The following UBR2 variants were observed in gnomAD, a reference collection of about 807,000 sequenced individuals.
UBR2 encodes the protein E3 ubiquitin-protein ligase UBR2.
Under a neutral mutation model 247.9 loss-of-function variants are expected in UBR2, and 92 were observed. The ratio of observed to expected loss-of-function variants is 0.37; its 90% CI spans 0.31 to 0.44. The LOEUF is 0.44. UBR2 is among the 20% of genes least tolerant of loss of function. The probability of loss-of-function intolerance (pLI) is 1.00; values close to 1 mark genes in which losing one functional copy is unlikely to be tolerated. For missense variants in UBR2, 1,613 were observed against 2,112.6 expected, an observed-to-expected ratio of 0.76 and a Z score of 4.64; for synonymous variants, 672 against 693.5, an observed-to-expected ratio of 0.97 and a Z score of 0.49.
intron 4 of UBR2, among the ~76,000 whole-genome samples, chr6:42,600,386 A>G (rs1414738781): frequency 6.6e-6 from 1 of 152,120 alleles, no homozygotes; most frequent in African/African-American, 2.4e-5. Context: ...ATACAATAGG[A>G]TGTCATTTAT....
At chr6:42,614,177 C>CAA (rs1167450076) in intron 8 of UBR2, among the ~76,000 whole-genome samples, 27 of 11,398 alleles carry the variant, frequency 2.4e-3, no homozygotes, top group Admixed American at 0.013. Flanking sequence ...ACTCTGTCTC[C>CAA]AAAAAAAAAA....
intron 5 of UBR2, among the ~76,000 whole-genome samples, chr6:42,605,035 A>G (rs968955444): frequency 6.6e-6 from 1 of 151,980 alleles, no homozygotes; most frequent in Non-Finnish European, 1.5e-5. Flanking sequence ...TCAAAAAAAA[A>G]ACAAAAAACA....
chr6:42,663,716 G>C (rs931329460), intron 32 of UBR2, among the ~76,000 whole-genome samples: 6 of 152,160 alleles, frequency 3.9e-5, no homozygotes, highest in African/African-American at 1.4e-4. Context: ...CTTTTCAAGA[G>C]ATGCTCAGTA....
Position 42,564,352 on chromosome 6 carries a change from C to T in UBR2, c.33C>T (p.Ala11=), listed in dbSNP as rs771417390. 14 of 1,612,188 alleles carry T rather than the reference C, an allele frequency of 8.7e-6. No individual in the cohort carries two copies. The highest frequency in any genetic ancestry group is 3.3e-5 in the Admixed American group (2 of 59,732). The change falls in exon 1 of 47, where the codon GCC becomes GCT. Residue 11 remains alanine, a synonymous_variant. Transcript: ENST00000372901. The part of the protein sequence containing the change: MASELEPEVQ[A]IDRSLLECSA... The stretch of plus-strand genomic sequence containing the variant: ...CGGAGCTAGAGCCAGAGGTGCAGGC[C>T]ATCGACCGGAGCTTGCTGGAATGTT...
chr6:42,613,324 T>C (rs1794210201), intron 8 of UBR2, among the ~76,000 whole-genome samples: 1 of 152,218 alleles, frequency 6.6e-6, no homozygotes, highest in African/African-American at 2.4e-5. Flanking sequence ...TACATTTGTA[T>C]TGAAGGGCTT....
intron 8 of UBR2, among the ~76,000 whole-genome samples, chr6:42,614,375 T>TATATATGTATGTACGTACATACATAC (rs70990112): frequency 0.48 from 32,182 of 67,150 alleles, 6,291 homozygotes; most frequent in East Asian, 0.52. Flanking sequence ...TGTGTATGTG[T>TATATATGTATGTACGTACATACATAC]GTATATATGT....
At chr6:42,598,992 G>T (rs943386925) in intron 4 of UBR2, among the ~76,000 whole-genome samples, 2 of 151,762 alleles carry the variant, frequency 1.3e-5, no homozygotes, top group African/African-American at 4.8e-5. Flanking sequence ...TTACTGTGCT[G>T]CCCAGGCTGG....
intron 21 of UBR2, among the ~76,000 whole-genome samples, chr6:42,647,015 G>A (rs1039374529): frequency 4.6e-5 from 7 of 151,638 alleles, no homozygotes; most frequent in African/African-American, 1.7e-4. Context: ...AGAGATGGGG[G>A]TTCTCTATGT....
intron 2 of UBR2, among the ~76,000 whole-genome samples, chr6:42,584,982 T>C (rs1250132846): frequency 1.3e-5 from 2 of 152,194 alleles, no homozygotes; most frequent in African/African-American, 4.8e-5. Context: ...TTGCCTTTCT[T>C]GTGCTCCATT....
chr6:42,687,616 C>G (rs1199722460), intron 44 of UBR2, among the ~76,000 whole-genome samples: 1 of 152,112 alleles, frequency 6.6e-6, no homozygotes, highest in Admixed American at 6.5e-5. Context: ...TCTTGGCTCA[C>G]AGCAACCTCC....
intron 7 of UBR2, among the ~76,000 whole-genome samples, chr6:42,609,338 A>T (rs1793915917): frequency 6.6e-6 from 1 of 152,186 alleles, no homozygotes; most frequent in Non-Finnish European, 1.5e-5. Context: ...AGGATGTTTT[A>T]ATAAGTCCAC....
At position 42,673,808 on chromosome 6, in the gene UBR2, A is replaced by G. The variant is rs142946132; in HGVS notation, c.4104A>G (p.Ser1368=). 1.5e-5 allele frequency: 25 copies of G among 1,613,662 alleles called. No homozygotes were observed. Among genetic ancestry groups the G allele is most frequent in the Non-Finnish European group, 2.0e-5 (24 of 1,179,804 alleles). The part of the protein sequence containing the change: ...LPCRLDDCLR[S]LTRFAAAHWT... ...TATTTTAGGATGACTGTCTTAGGTC[A>G]TTGACGAGATTTGCCGCAGCACACT... Residue 1368 remains serine (S), a synonymous_variant, in exon 37 of 47, where the codon TCA becomes TCG. Coordinates refer to ENST00000372901, the MANE Select transcript of UBR2 (RefSeq NM_001363705.2).
At chr6:42,683,028 G>T in intron 42 of UBR2, 27 bp from the exon 43 acceptor site, 1 of 1,603,074 alleles carries the variant, frequency 6.2e-7, no homozygotes, top group Non-Finnish European at 8.5e-7. Flanking sequence ...AGTGTTTTGT[G>T]TTTTTCCCCC....
intron 5 of UBR2, among the ~76,000 whole-genome samples, chr6:42,605,510 A>AT (rs1008133175): frequency 2.6e-5 from 4 of 152,156 alleles, no homozygotes; most frequent in African/African-American, 7.2e-5. Context: ...TCTTTTCTTG[A>AT]TAAAAACCTG....
At chr6:42,581,722 A>G (rs949523980) in intron 2 of UBR2, among the ~76,000 whole-genome samples, 7 of 152,210 alleles carry the variant, frequency 4.6e-5, no homozygotes, top group African/African-American at 1.7e-4. Context: ...TGTAATGATT[A>G]TTAGAAGTTG....
At chr6:42,687,899 T>C (rs1328000559) in intron 44 of UBR2, among the ~76,000 whole-genome samples, 1 of 146,436 alleles carries the variant, frequency 6.8e-6, no homozygotes, top group Non-Finnish European at 1.5e-5. Context: ...TTTATAACTT[T>C]ATTGATTTTT....
intron 1 of UBR2, among the ~76,000 whole-genome samples, chr6:42,567,824 C>CGAA (rs1790873351): frequency 2.0e-5 from 3 of 151,938 alleles, no homozygotes; most frequent in Non-Finnish European, 4.4e-5. Flanking sequence ...CTGCTTAAGT[C>CGAA]TAAGAGTTTG....
At chr6:42,588,206 A>C (rs886151043) in intron 2 of UBR2, among the ~76,000 whole-genome samples, 19 of 152,214 alleles carry the variant, frequency 1.2e-4, no homozygotes, top group African/African-American at 4.6e-4. Flanking sequence ...AGGACAGCTT[A>C]CAGATATTAT....
intron 6 of UBR2, 66 bp from the exon 7 acceptor site, chr6:42,606,523 A>T: frequency 7.4e-7 from 1 of 1,347,350 alleles, no homozygotes; most frequent in Non-Finnish European, 1.1e-6. Flanking sequence ...ATGTTTGTTT[A>T]CTGGTTTAAA....
Sources: allele counts gnomAD v4.1 joint callset (sites outside exome capture counted in the v4.1 genomes callset), GRCh38; gene constraint gnomAD v4.1.1; transcripts MANE v1.5; gene names NCBI Gene and HGNC (gene_info 2026-07-23, HGNC 2026-07-21).